The following KIF16B variants were observed in gnomAD, a reference collection of about 807,000 sequenced individuals.
KIF16B encodes kinesin-like protein KIF16B.
A neutral mutation model predicts 156.3 loss-of-function variants in KIF16B; 98 were observed. The ratio of observed to expected loss-of-function variants is 0.63; its 90% CI spans 0.53 to 0.74. The LOEUF is 0.74. Among genes scored for constraint, KIF16B ranks in the 30% least tolerant of loss-of-function variants. KIF16B has a pLI of 0.00. For synonymous variants in KIF16B, 564 were observed against 583.7 expected (o/e 0.97, Z 0.49); for missense variants, 1,421 against 1,606.5 (o/e 0.88, Z 1.97).
At chr20:16,472,754 G>A (rs555289713) in intron 12 of KIF16B, among the ~76,000 whole-genome samples, 122 of 152,132 alleles carry the variant, frequency 8.0e-4, no homozygotes, top group African/African-American at 2.8e-3. Flanking sequence ...CTGACTGACC[G>A]CCTGCCTACT....
chr20:16,503,867 G>A (rs6044036), intron 10 of KIF16B, among the ~76,000 whole-genome samples: 16,310 of 152,012 alleles, frequency 0.11, 1,085 homozygotes, highest in East Asian at 0.33. Context: ...ATCAAGCGAG[G>A]GCCCAGGGAC....
intron 17 of KIF16B, among the ~76,000 whole-genome samples, chr20:16,385,412 TA>T (rs1044753383): frequency 1.3e-5 from 2 of 152,056 alleles, no homozygotes. Context: ...CCAAGTCCTA[TA>T]GGGGGGCAGG....
intron 24 of KIF16B, among the ~76,000 whole-genome samples, chr20:16,327,683 A>C (rs758048148): frequency 3.3e-5 from 5 of 152,162 alleles, no homozygotes; most frequent in Non-Finnish European, 7.4e-5. Context: ...CCTTGAAAGC[A>C]GTGATTTAAA....
chr20:16,308,865 C>G lies in KIF16B; in HGVS notation c.3795+3470G>C, dbSNP rs115536435. ...GCAACTTTTGCTCAAACTAACACATCAGAGACTGGGTACATTCTTTTCCTG... is the reference window on the plus strand; with the variant it reads ...GCAACTTTTGCTCAAACTAACACATGAGAGACTGGGTACATTCTTTTCCTG... On this transcript the variant is annotated intron_variant, in intron 25 of 25. Transcript: ENST00000354981. Among the ~76,000 whole-genome samples the G allele has an allele frequency of 8.9e-3, 1,356 of 152,360 alleles. 9 individuals carry two copies. The highest frequency in any genetic ancestry group is 0.03 in the South Asian group (143 of 4,832).
chr20:16,568,556 G>A (rs2071343437), intron 1 of KIF16B, among the ~76,000 whole-genome samples: 1 of 152,112 alleles, frequency 6.6e-6, no homozygotes, highest in South Asian at 2.1e-4. Flanking sequence ...GATCACACCT[G>A]TAATCCCAGC....
intron 1 of KIF16B, among the ~76,000 whole-genome samples, chr20:16,535,209 C>T (rs1293949697): frequency 6.6e-6 from 1 of 152,148 alleles, no homozygotes; most frequent in Non-Finnish European, 1.5e-5. Context: ...AGAGATCTTT[C>T]ACCTTCTTGG....
chr20:16,437,439 C>T (rs1010703185), intron 12 of KIF16B, among the ~76,000 whole-genome samples: 3 of 152,104 alleles, frequency 2.0e-5, no homozygotes, highest in African/African-American at 7.2e-5. Context: ...AAATTGGTTG[C>T]TACTTCATCA....
At chr20:16,343,631 T>G (rs551875338) in intron 23 of KIF16B, among the ~76,000 whole-genome samples, 1 of 152,208 alleles carries the variant, frequency 6.6e-6, no homozygotes, top group Non-Finnish European at 1.5e-5. Context: ...GGCAGTGACA[T>G]AACTATGAAC....
intron 25 of KIF16B, among the ~76,000 whole-genome samples, chr20:16,295,159 A>T (rs2063365586): frequency 6.6e-6 from 1 of 152,206 alleles, no homozygotes; most frequent in African/African-American, 2.4e-5. Context: ...GCATCTAGAG[A>T]AGATAAAGAG....
chr20:16,393,562 A>T (rs980137637), intron 17 of KIF16B, among the ~76,000 whole-genome samples: 1 of 152,238 alleles, frequency 6.6e-6, no homozygotes, highest in Non-Finnish European at 1.5e-5. Flanking sequence ...ATCTGGAAAC[A>T]GTTCACACAT....
intron 1 of KIF16B, among the ~76,000 whole-genome samples, chr20:16,569,637 G>T (rs1320491079): frequency 1.3e-5 from 2 of 152,144 alleles, no homozygotes; most frequent in Non-Finnish European, 2.9e-5. Flanking sequence ...TCTGGGACTT[G>T]TTTTTCTGTA....
chr20:16,569,841 C>G (rs1377966918), intron 1 of KIF16B, among the ~76,000 whole-genome samples: 1 of 152,070 alleles, frequency 6.6e-6, no homozygotes, highest in African/African-American at 2.4e-5. Flanking sequence ...TATAAAACTA[C>G]GCATGAGGAA....
intron 12 of KIF16B, among the ~76,000 whole-genome samples, chr20:16,468,369 C>T (rs1271396262): frequency 5.9e-5 from 9 of 151,734 alleles, no homozygotes; most frequent in African/African-American, 1.2e-4. Flanking sequence ...GTCAAGAGTT[C>T]GAGACCAGCC....
chr20:16,553,192 C>T (rs1456781631), intron 1 of KIF16B, among the ~76,000 whole-genome samples: 2 of 152,192 alleles, frequency 1.3e-5, no homozygotes, highest in African/African-American at 2.4e-5. Flanking sequence ...GGTCTCTGTA[C>T]GCTTTCTGCT....
intron 22 of KIF16B, among the ~76,000 whole-genome samples, chr20:16,370,358 G>C (rs368500188): frequency 6.6e-6 from 1 of 152,136 alleles, no homozygotes; most frequent in Non-Finnish European, 1.5e-5. Flanking sequence ...TGAAAAACTG[G>C]GCAAAGCTCC....
At chr20:16,369,275 G>T in intron 22 of KIF16B, 1 of 985,744 alleles carries the variant, frequency 1.0e-6, no homozygotes, top group Non-Finnish European at 1.2e-6. Flanking sequence ...TTCTGTTCAA[G>T]GTGTCAAAAA....
intron 25 of KIF16B, among the ~76,000 whole-genome samples, chr20:16,306,959 C>G (rs1189805245): frequency 6.6e-6 from 1 of 152,144 alleles, no homozygotes; most frequent in Non-Finnish European, 1.5e-5. Flanking sequence ...TCCAAAGGAG[C>G]AGAATCAGTA....
intron 12 of KIF16B, among the ~76,000 whole-genome samples, chr20:16,471,198 A>G (rs2067653598): frequency 6.6e-6 from 1 of 152,168 alleles, no homozygotes; most frequent in Non-Finnish European, 1.5e-5. Flanking sequence ...TAAAAAATTG[A>G]CCCAACAAAA....
chr20:16,465,541 T>C (rs114647242), intron 12 of KIF16B, among the ~76,000 whole-genome samples: 31 of 152,330 alleles, frequency 2.0e-4, no homozygotes, highest in African/African-American at 7.2e-4. Flanking sequence ...TCCACGCACA[T>C]TCCTACATAA....
Sources: allele counts gnomAD v4.1 joint callset (sites outside exome capture counted in the v4.1 genomes callset), GRCh38; gene constraint gnomAD v4.1.1; transcripts MANE v1.5; gene names NCBI Gene and HGNC (gene_info 2026-07-23, HGNC 2026-07-21).